The following TRAPPC9 variants were observed in gnomAD, a reference collection of about 807,000 sequenced individuals.
The protein encoded by TRAPPC9 is IKK2 binding protein.
A neutral mutation model predicts 124.0 loss-of-function variants in TRAPPC9; 83 were observed. That is an observed-to-expected ratio of 0.67 (90% CI 0.56 to 0.80). The LOEUF (loss-of-function observed/expected upper bound fraction) is 0.80. Ranked by LOEUF, TRAPPC9 falls within the 30% of genes least tolerant of loss-of-function variation. The pLI, the probability that TRAPPC9 is intolerant of heterozygous loss-of-function variation, is 0.00. For missense variants in TRAPPC9, 1,302 were observed against 1,508.3 expected (o/e 0.86, Z 2.27); for synonymous variants, 638 against 617.5 (o/e 1.03, Z -0.49).
chr8:139,850,406 C>T (rs1827367216), intron 21 of TRAPPC9, among the ~76,000 whole-genome samples: 1 of 152,234 alleles, frequency 6.6e-6, no homozygotes, highest in Non-Finnish European at 1.5e-5. Context: ...ACCAGTGCCC[C>T]TCATGGGGCA....
chr8:140,419,810 C>T (rs1442116839), intron 5 of TRAPPC9, among the ~76,000 whole-genome samples: 2 of 151,336 alleles, frequency 1.3e-5, no homozygotes, highest in Non-Finnish European at 2.9e-5. Context: ...GGCGTGAACC[C>T]GGAAGGCGGA....
chr8:140,209,676 T>C (rs1360735130), intron 17 of TRAPPC9, among the ~76,000 whole-genome samples: 1 of 152,220 alleles, frequency 6.6e-6, no homozygotes, highest in Non-Finnish European at 1.5e-5. Flanking sequence ...TTTTCTTATC[T>C]ACCAAGGCTA....
rs1166414178 is a variant in TRAPPC9 at position 139,787,525 on chromosome 8, C to T, written c.3056-55323G>A. Reference sequence around the variant, plus strand: ...GCTCTGTCCTCCCTTCTGCCCCGACCCTGCAGACGCTTTCAAAGCCTAATA... The same window carrying T: ...GCTCTGTCCTCCCTTCTGCCCCGACTCTGCAGACGCTTTCAAAGCCTAATA... On this transcript the variant is annotated intron_variant, in intron 21 of 22. Coordinates refer to ENST00000438773, the MANE Select transcript of TRAPPC9 (RefSeq NM_001160372.4). 4.6e-5 allele frequency among the ~76,000 whole-genome samples: 7 copies of T among 152,142 alleles called. No homozygotes were observed. In the East Asian group the frequency reaches 1.4e-3, roughly 29 times the overall value.
At chr8:140,155,149 G>A (rs558517578) in intron 17 of TRAPPC9, among the ~76,000 whole-genome samples, 1 of 152,296 alleles carries the variant, frequency 6.6e-6, no homozygotes, top group East Asian at 1.9e-4. Flanking sequence ...AACGACAAAA[G>A]GTTTCATTGG....
At chr8:139,935,215 C>T (rs566058904) in intron 19 of TRAPPC9, among the ~76,000 whole-genome samples, 1 of 152,160 alleles carries the variant, frequency 6.6e-6, no homozygotes, top group Non-Finnish European at 1.5e-5. Context: ...ATGGTAGACT[C>T]GGGGGTTCTT....
In TRAPPC9 at chr8:140,353,312, T is replaced by A. The variant is rs2067641887; in HGVS notation, c.1495+6738A>T. On this transcript the variant is annotated intron_variant, in intron 9 of 22. Coordinates refer to ENST00000438773, the MANE Select transcript of TRAPPC9 (RefSeq NM_001160372.4). The surrounding 1 kb of genome is among the most constrained non-coding windows in gnomAD (Gnocchi z 4.2). ...CATTCACTGGCCCCCTCCCATCTCATGGGACCCCCCCCTTTCGTCACTCCT... is the reference window on the plus strand; with the variant it reads ...CATTCACTGGCCCCCTCCCATCTCAAGGGACCCCCCCCTTTCGTCACTCCT... Among the ~76,000 whole-genome samples the A allele has an allele frequency of 6.6e-6, 1 of 151,944 alleles. No homozygotes were observed. Among genetic ancestry groups the A allele is most frequent in the Non-Finnish European group, 1.5e-5 (1 of 67,992 alleles).
intron 1 of TRAPPC9, among the ~76,000 whole-genome samples, chr8:140,456,430 A>T (rs890343276): frequency 1.3e-5 from 2 of 152,100 alleles, no homozygotes; most frequent in African/African-American, 4.8e-5. Flanking sequence ...AAAAAAAAGA[A>T]AAATCACTGA....
rs1467974598 is a variant in TRAPPC9 at position 140,252,081 on chromosome 8, G to A, written c.2431+696C>T. On this transcript the variant is annotated intron_variant, in intron 16 of 22. Coordinates refer to ENST00000438773, the MANE Select transcript of TRAPPC9 (RefSeq NM_001160372.4). This position sits in a 1 kb window ranked among gnomAD's most constrained non-coding sequence, Gnocchi z 4.2. ...ACTGTGTTGCCCAGGCTGGAGTGCA[G>A]TGGCGTGATCTCGACTCACTGCAAC... is the stretch of plus-strand genomic sequence containing the variant. 1.3e-5 allele frequency among the ~76,000 whole-genome samples: 2 copies of A among 151,282 alleles called. No homozygotes were observed. Among genetic ancestry groups the A allele is most frequent in the African/African-American group, 2.4e-5 (1 of 41,100 alleles).
rs574777225 is a variant in TRAPPC9, at chr8:139,839,462, C to T, written c.3055+46417G>A. ...ACCAGGTAGTGAGGGGCTGACAGGC[C>T]GTCTCTGCGGGGATGCGGACAGTGG... On this transcript the variant is annotated intron_variant, in intron 21 of 22. Coordinates refer to ENST00000438773, the MANE Select transcript of TRAPPC9 (RefSeq NM_001160372.4). Among the ~76,000 whole-genome samples, 84 of 152,254 alleles carry T rather than the reference C, an allele frequency of 5.5e-4. 2 individuals are homozygous for T. The highest frequency in any genetic ancestry group is 3.4e-3 in the Middle Eastern group (1 of 294).
At chr8:140,043,546 A>G (rs983938933) in intron 17 of TRAPPC9, among the ~76,000 whole-genome samples, 2 of 152,148 alleles carry the variant, frequency 1.3e-5, no homozygotes, top group African/African-American at 2.4e-5. Flanking sequence ...GACCATCCTG[A>G]GGCCTGATGG....
chr8:140,458,373 C>A, upstream of TRAPPC9: 6 of 1,596,948 alleles, frequency 3.8e-6, no homozygotes, highest in Non-Finnish European at 4.3e-6. Flanking sequence ...CCCTGCGGCA[C>A]CCCCTGTGAC....
chr8:140,033,063 T>G (rs753776264), intron 17 of TRAPPC9, among the ~76,000 whole-genome samples: 30 of 152,230 alleles, frequency 2.0e-4, no homozygotes, highest in Non-Finnish European at 4.0e-4. Flanking sequence ...CCCTATTTTT[T>G]TAATTGACCT....
intron 21 of TRAPPC9, among the ~76,000 whole-genome samples, chr8:139,807,620 T>C (rs937343691): frequency 1.3e-5 from 2 of 152,088 alleles, no homozygotes; most frequent in Non-Finnish European, 2.9e-5. Context: ...GACGAAAGTG[T>C]GCGGAGATTG....
At chr8:140,437,651 A>C (rs1467461290) in intron 3 of TRAPPC9, among the ~76,000 whole-genome samples, 6 of 152,218 alleles carry the variant, frequency 3.9e-5, no homozygotes, top group African/African-American at 1.4e-4. Flanking sequence ...GTTATATTTA[A>C]TATGTTCTAC....
rs148485015 is a variant in TRAPPC9, at chr8:139,916,677, T to A, written c.2811-6377A>T. 1.3e-3 allele frequency: 198 copies of A among 152,372 alleles called. 1 individual carries two copies. The highest frequency in any genetic ancestry group is 4.4e-3 in the African/African-American group (185 of 41,588). 9.4% of individuals were successfully genotyped at this position (152,372 alleles called of 1,614,324 possible). On this transcript the variant is annotated intron_variant, in intron 19 of 22. Coordinates refer to ENST00000438773, the MANE Select transcript of TRAPPC9 (RefSeq NM_001160372.4). The stretch of plus-strand genomic sequence containing the variant: ...AAATGTGACAATAATAGTCAAGAGT[T>A]GGCACTAAAAAAAGGTGCTGTGATT...
chr8:140,041,400 C>T (rs1317960408), intron 17 of TRAPPC9, among the ~76,000 whole-genome samples: 1 of 152,248 alleles, frequency 6.6e-6, no homozygotes, highest in Non-Finnish European at 1.5e-5. Context: ...CAAGTACTCC[C>T]TCCCAACATC....
chr8:139,950,912 G>C (rs1442266036), intron 19 of TRAPPC9, among the ~76,000 whole-genome samples: 2 of 152,190 alleles, frequency 1.3e-5, no homozygotes, highest in African/African-American at 4.8e-5. Flanking sequence ...GCGGCAGGGA[G>C]GGAGCCGCAC....
chr8:139,816,288 T>C (rs1824829614), intron 21 of TRAPPC9, among the ~76,000 whole-genome samples: 1 of 152,090 alleles, frequency 6.6e-6, no homozygotes, highest in Admixed American at 6.5e-5. Context: ...AAGGGGATAG[T>C]GGGTACCTTC....
intron 21 of TRAPPC9, among the ~76,000 whole-genome samples, chr8:139,874,359 G>A (rs2010771): frequency 0.31 from 47,196 of 152,120 alleles, 7,415 homozygotes; most frequent in Middle Eastern, 0.41. Flanking sequence ...CTGAGCACCC[G>A]CAGGTGCTGA....
Sources: allele counts gnomAD v4.1 joint callset (sites outside exome capture counted in the v4.1 genomes callset), GRCh38; gene constraint gnomAD v4.1.1; non-coding constraint Gnocchi (gnomAD v3.1); transcripts MANE v1.5; gene names NCBI Gene and HGNC (gene_info 2026-07-23, HGNC 2026-07-21).